Variants in MID1 observed in about 807,000 individuals in gnomAD.
The protein encoded by MID1 is E3 ubiquitin-protein ligase Midline-1.
Under a neutral mutation model 40.4 loss-of-function variants are expected in MID1, and 7 were observed. That is an observed-to-expected ratio of 0.17 (90% confidence interval 0.10 to 0.33). MID1 has a LOEUF of 0.33. MID1 is among the 10% of genes least tolerant of loss of function. The pLI is 1.00. For missense variants in MID1, 367 were observed against 558.5 expected (o/e 0.66, Z 3.46); for synonymous variants, 229 against 221.2 (o/e 1.04, Z -0.31).
At chrX:10,733,462 T>C (rs1048056748) in intron 1 of MID1, among the ~76,000 whole-genome samples, 3 of 111,752 alleles carry the variant, frequency 2.7e-5, no homozygotes, top group Non-Finnish European at 5.6e-5. Context: ...AAATTGTATT[T>C]ATTATAAATT....
At chrX:10,694,849 G>T (rs2043152234) in intron 1 of MID1, among the ~76,000 whole-genome samples, 1 of 111,951 alleles carries the variant, frequency 8.9e-6, no homozygotes, top group Admixed American at 9.5e-5. Context: ...AACTGCCCTT[G>T]GTCCTCCAAA....
At chrX:10,779,519 T>C (rs1393359699) in intron 1 of MID1, among the ~76,000 whole-genome samples, 1 of 111,617 alleles carries the variant, frequency 9.0e-6, no homozygotes, top group Non-Finnish European at 1.9e-5. Flanking sequence ...CTGGGTGAGG[T>C]AGATAGAAAG....
chrX:10,656,641 G>A (rs755696362), intron 1 of MID1, among the ~76,000 whole-genome samples: 1 of 111,332 alleles, frequency 9.0e-6, no homozygotes, highest in South Asian at 3.8e-4. Context: ...ATTCCCATAC[G>A]ATTACTCTTC....
At position 10,506,064 on chromosome X, in the gene MID1, G is replaced by A. The variant is rs1002612582; in HGVS notation, c.757-10373C>T. The A allele has an allele frequency of 1.4e-5, 11 of 778,458 alleles. No homozygotes were observed. In the African/African-American group the frequency reaches 2.5e-4, roughly 18 times the overall value. 64.2% of individuals were successfully genotyped at this position (778,458 alleles called of 1,213,427 possible). A position where few individuals can be genotyped will look rare whatever the true frequency, so the allele number is the denominator to read the frequency against. Reference sequence around the variant, plus strand: ...TTAAGCTTTGTTCTGCCTTCATGACGCACCCACAAGTGATATCTATGAAAT... The same window carrying A: ...TTAAGCTTTGTTCTGCCTTCATGACACACCCACAAGTGATATCTATGAAAT... On this transcript the variant is annotated intron_variant, in intron 3 of 9. Coordinates refer to ENST00000317552, the MANE Select transcript of MID1 (RefSeq NM_000381.4).
At chrX:10,634,048 C>T (rs1490685443) in intron 1 of MID1, among the ~76,000 whole-genome samples, 4 of 111,248 alleles carry the variant, frequency 3.6e-5, no homozygotes, top group African/African-American at 6.5e-5. Flanking sequence ...TGACTTAAGT[C>T]AGATGACCTC....
intron 2 of MID1, among the ~76,000 whole-genome samples, chrX:10,536,299 G>GA (rs887790810): frequency 6.3e-4 from 68 of 107,138 alleles, no homozygotes; most frequent in South Asian, 3.2e-3. Context: ...CTTGCCTGGG[G>GA]AAAAAAAAAA....
intron 3 of MID1, among the ~76,000 whole-genome samples, chrX:10,513,183 T>C (rs953611600): frequency 4.4e-5 from 5 of 112,550 alleles, no homozygotes; most frequent in African/African-American, 1.6e-4. Flanking sequence ...TTTCATAATC[T>C]GTAATTATTT....
At chrX:10,702,074 T>C (rs1002379110) in intron 1 of MID1, among the ~76,000 whole-genome samples, 6 of 112,764 alleles carry the variant, frequency 5.3e-5, no homozygotes, top group African/African-American at 1.9e-4. Flanking sequence ...CCACTCTGCA[T>C]TTAATGCAAA....
chrX:10,751,629 T>C (rs1386089206), intron 1 of MID1, among the ~76,000 whole-genome samples: 1 of 111,875 alleles, frequency 8.9e-6, no homozygotes, highest in Non-Finnish European at 1.9e-5. Context: ...GGAGACCTTG[T>C]CAACAACAAT....
intron 1 of MID1, among the ~76,000 whole-genome samples, chrX:10,822,059 C>T (rs1287026312): frequency 2.8e-5 from 3 of 109,013 alleles, no homozygotes; most frequent in Non-Finnish European, 5.7e-5. Context: ...TTCCACTTAT[C>T]TTGTAAATTA....
chrX:10,658,628 T>A lies in MID1; in HGVS notation c.-186-38209A>T, dbSNP rs193036417. Reference sequence around the variant, plus strand: ...CGCACAATTTAACCCATAAAATGCCTATGATAGAGGACTCGAAGTTTCTGC... The same window carrying A: ...CGCACAATTTAACCCATAAAATGCCAATGATAGAGGACTCGAAGTTTCTGC... On this transcript the variant is annotated intron_variant, in intron 1 of 10. Coordinates refer to the MID1 transcript ENST00000380785. Among the ~76,000 whole-genome samples the A allele has an allele frequency of 7.3e-5, 8 of 109,808 alleles. No individual in the cohort carries two copies. The East Asian group carries it at 2.3e-3, about 31-fold the overall frequency.
intron 1 of MID1, among the ~76,000 whole-genome samples, chrX:10,626,334 A>G (rs1196084378): frequency 1.9e-5 from 2 of 106,045 alleles, no homozygotes; most frequent in Non-Finnish European, 3.9e-5. Context: ...TATTATTATT[A>G]TTATTATTAT....
chrX:10,821,036 C>G (rs768548756), intron 1 of MID1, among the ~76,000 whole-genome samples: 4 of 112,315 alleles, frequency 3.6e-5, no homozygotes, highest in Non-Finnish European at 7.5e-5. Context: ...CACATGCAAG[C>G]TGTAAGCCTG....
intron 3 of MID1, among the ~76,000 whole-genome samples, chrX:10,497,855 T>C (rs1172226524): frequency 8.9e-6 from 1 of 111,905 alleles, no homozygotes; most frequent in Non-Finnish European, 1.9e-5. Flanking sequence ...GCTGTTGTAT[T>C]AAATAAGGTA....
chrX:10,607,001 G>A (rs934628615), intron 1 of MID1, among the ~76,000 whole-genome samples: 2 of 112,063 alleles, frequency 1.8e-5, no homozygotes, highest in African/African-American at 6.5e-5. Flanking sequence ...CCAAAGTGCT[G>A]GAGTTACAGG....
chrX:10,591,306 C>A (rs778328685), intron 1 of MID1, among the ~76,000 whole-genome samples: 2 of 112,307 alleles, frequency 1.8e-5, no homozygotes, highest in African/African-American at 6.5e-5. Context: ...TATGTTGGTT[C>A]TCTCTTTTAC....
At chrX:10,572,444 G>A (rs1363013035) in intron 1 of MID1, among the ~76,000 whole-genome samples, 4 of 109,724 alleles carry the variant, frequency 3.6e-5, no homozygotes, top group Non-Finnish European at 7.6e-5. Flanking sequence ...CCATCTACTC[G>A]GGAGGCTGAG....
rs770179051 is a variant in MID1, at chrX:10,561,408, A to C, written c.660+5480T>G. Among the ~76,000 whole-genome samples the C allele has an allele frequency of 4.5e-3, 481 of 107,115 alleles. 66 individuals are homozygous for C. The highest frequency in any genetic ancestry group is 0.017 in the African/African-American group (456 of 26,793). The allele number at this position is 107,115 out of a possible 115,157, so 93.0% of individuals were successfully genotyped here. A position where few individuals can be genotyped will look rare whatever the true frequency, so the allele number is the denominator to read the frequency against. On this transcript the variant is annotated intron_variant, in intron 2 of 9. Coordinates refer to ENST00000317552, the MANE Select transcript of MID1 (RefSeq NM_000381.4). The stretch of plus-strand genomic sequence containing the variant: ...TAAAGAGCTTCTGCACAGCAAAAGA[A>C]ACTACCATCAGAGTGAACAGACAAC...
rs1020247012 is a variant in MID1 at position 10,825,102 on chromosome X, A to G, written c.-187+8452T>C. Among the ~76,000 whole-genome samples, 4 of 112,162 alleles carry G rather than the reference A, an allele frequency of 3.6e-5. No homozygotes were observed. The Admixed American group carries it at 3.8e-4, about 11-fold the overall frequency. ...TAAATGTGGTTTTATTAATACATAC[A>G]TACGCCCAAACCGTAGACATACAGT... On this transcript the variant is annotated intron_variant, in intron 1 of 10. Transcript: ENST00000380785.
Sources: allele counts gnomAD v4.1 joint callset (sites outside exome capture counted in the v4.1 genomes callset), GRCh38; gene constraint gnomAD v4.1.1; transcripts MANE v1.5; gene names NCBI Gene and HGNC (gene_info 2026-07-23, HGNC 2026-07-21).